The following BMERB1 variants were observed in gnomAD, a reference collection of about 807,000 sequenced individuals.
The protein encoded by BMERB1 is bMERB domain-containing protein 1.
BMERB1 carries 12 observed loss-of-function variants against 23.6 expected under a neutral mutation model. The ratio of observed to expected loss-of-function variants is 0.51; its 90% confidence interval spans 0.33 to 0.82. The LOEUF is 0.82. Among genes scored for constraint, BMERB1 ranks in the 40% least tolerant of loss-of-function variants. The pLI, the probability that BMERB1 is intolerant of heterozygous loss-of-function variation, is 0.03. For missense variants in BMERB1, 247 were observed against 255.4 expected (o/e 0.97, Z 0.22); for synonymous variants, 122 against 96.6 (o/e 1.26, Z -1.54).
At chr16:15,450,278 T>G (rs902259905) in intron 1 of BMERB1, among the ~76,000 whole-genome samples, 2 of 152,150 alleles carry the variant, frequency 1.3e-5, no homozygotes, top group Non-Finnish European at 2.9e-5. Flanking sequence ...AATATTATTA[T>G]TCTTTTGATG....
chr16:15,456,317 T>C (rs183219895), intron 1 of BMERB1, among the ~76,000 whole-genome samples: 2 of 152,086 alleles, frequency 1.3e-5, no homozygotes, highest in Admixed American at 1.3e-4. Flanking sequence ...TCTAAGTCAG[T>C]AATACAGCAT....
intron 1 of BMERB1, among the ~76,000 whole-genome samples, chr16:15,479,987 T>C (rs1280244874): frequency 1.4e-5 from 2 of 145,474 alleles, no homozygotes; most frequent in African/African-American, 5.2e-5. Flanking sequence ...TTTCAATTTA[T>C]CATATAGTTT....
chr16:15,467,042 A>G (rs1483475080), intron 1 of BMERB1, among the ~76,000 whole-genome samples: 1 of 152,138 alleles, frequency 6.6e-6, no homozygotes, highest in African/African-American at 2.4e-5. Context: ...ATTCCTTTTC[A>G]TTGCCAAGTA....
intron 1 of BMERB1, among the ~76,000 whole-genome samples, chr16:15,435,132 G>A (rs184786378): frequency 1.4e-3 from 214 of 152,366 alleles, no homozygotes; most frequent in Admixed American, 4.2e-3. Flanking sequence ...CGCTGGAGAC[G>A]CGGGACCGTC....
chr16:15,492,286 C>T lies in BMERB1; in HGVS notation c.107-23019C>T, dbSNP rs528822078. On this transcript the variant is annotated intron_variant, in intron 1 of 5. Coordinates refer to ENST00000300006, the MANE Select transcript of BMERB1 (RefSeq NM_033201.3). ...CCCTCAGGTTTTGCATCTCCCGCTGCACTGCTGGGCAGTCGACCCTTCCCA... is the reference window on the plus strand; with the variant it reads ...CCCTCAGGTTTTGCATCTCCCGCTGTACTGCTGGGCAGTCGACCCTTCCCA... Among the ~76,000 whole-genome samples the T allele has an allele frequency of 7.2e-5, 11 of 152,338 alleles. No individual in the cohort carries two copies. In the South Asian group the frequency reaches 1.7e-3, roughly 23 times the overall value.
At position 15,587,284 on chromosome 16, in the gene BMERB1, C is replaced by T. The variant is rs191948625; in HGVS notation, c.*455C>T. On this transcript the variant is annotated 3_prime_UTR_variant, in exon 6 of 6. Coordinates refer to ENST00000300006, the MANE Select transcript of BMERB1 (RefSeq NM_033201.3). ...GCTCTCAGAGCTAGGCACATGGGCA[C>T]AGGTCCCCTCCCGTCTGTCCTCTCC... The T allele has an allele frequency of 1.8e-5, 4 of 226,654 alleles. No homozygotes were observed. The East Asian group carries it at 4.0e-4, about 22-fold the overall frequency. The allele number at this position is 226,654 out of a possible 1,614,324, so 14.0% of individuals were successfully genotyped here.
At chr16:15,557,935 C>T (rs1202340903) in intron 2 of BMERB1, among the ~76,000 whole-genome samples, 3 of 152,066 alleles carry the variant, frequency 2.0e-5, no homozygotes, top group African/African-American at 7.2e-5. Context: ...ATCCCAGCTA[C>T]TCGGGAAGCT....
At chr16:15,583,346 G>C (rs2031064242) in intron 5 of BMERB1, 108 bp downstream of exon 5, 3 of 887,086 alleles carry the variant, frequency 3.4e-6, no homozygotes, top group Non-Finnish European at 5.6e-6. Context: ...GAGAGGCCAA[G>C]GTGGGTGGAT....
At chr16:15,537,545 G>T (rs1426329750) in intron 2 of BMERB1, among the ~76,000 whole-genome samples, 2 of 151,692 alleles carry the variant, frequency 1.3e-5, no homozygotes, top group East Asian at 1.9e-4. Flanking sequence ...GTAGAGGCGG[G>T]GTTTCACCAT....
chr16:15,523,211 C>G (rs1176522178), intron 2 of BMERB1, among the ~76,000 whole-genome samples: 3 of 152,170 alleles, frequency 2.0e-5, no homozygotes, highest in Non-Finnish European at 4.4e-5. Context: ...CTTCTGCCAG[C>G]GTGTTCCTCT....
At chr16:15,548,265 G>A (rs754448510) in intron 2 of BMERB1, among the ~76,000 whole-genome samples, 1 of 152,164 alleles carries the variant, frequency 6.6e-6, no homozygotes, top group African/African-American at 2.4e-5. Flanking sequence ...GATTACAGGT[G>A]TAAGCCACTG....
chr16:15,545,280 T>G (rs575619994), intron 2 of BMERB1, among the ~76,000 whole-genome samples: 1 of 152,170 alleles, frequency 6.6e-6, no homozygotes, highest in Non-Finnish European at 1.5e-5. Context: ...GCCCCAAATT[T>G]TCTAATAAGT....
chr16:15,447,909 G>A (rs760910646), intron 1 of BMERB1: 1 of 455,984 alleles, frequency 2.2e-6, no homozygotes, highest in South Asian at 1.5e-5. Context: ...TTATTTTTGA[G>A]ACAGAGTCTT....
chr16:15,545,656 C>T (rs1474096559), intron 2 of BMERB1, among the ~76,000 whole-genome samples: 3 of 152,098 alleles, frequency 2.0e-5, no homozygotes, highest in Non-Finnish European at 4.4e-5. Flanking sequence ...GCCAGGAAGC[C>T]GCCATTGCTG....
At chr16:15,582,312 A>C (rs1314708958) in intron 4 of BMERB1, among the ~76,000 whole-genome samples, 1 of 152,028 alleles carries the variant, frequency 6.6e-6, no homozygotes, top group Non-Finnish European at 1.5e-5. Context: ...GGCAGGAAAC[A>C]ATCATTTGAA....
At chr16:15,511,141 G>C (rs2051659346) in intron 1 of BMERB1, among the ~76,000 whole-genome samples, 1 of 152,134 alleles carries the variant, frequency 6.6e-6, no homozygotes, top group South Asian at 2.1e-4. Flanking sequence ...GGGCCTTGAA[G>C]CATAACCAGA....
chr16:15,535,365 G>A (rs1004178039), intron 2 of BMERB1, among the ~76,000 whole-genome samples: 1 of 150,932 alleles, frequency 6.6e-6, no homozygotes, highest in Admixed American at 6.6e-5. Flanking sequence ...AGAAGAAAGA[G>A]GGCCAGGTGC....
rs534758892 is a variant in BMERB1, at chr16:15,454,102, CAG to C, written c.106+19344_106+19345del. On this transcript the variant is annotated intron_variant, in intron 1 of 5. Coordinates refer to ENST00000300006, the MANE Select transcript of BMERB1 (RefSeq NM_033201.3). ...GGCACCTCCCTCCCTATGGATATCA[CAG>C]GGAGTTTTTTTCCTTTTAGAGTTTG... Among the ~76,000 whole-genome samples the C allele has an allele frequency of 2.1e-3, 325 of 152,232 alleles. 1 individual carries two copies. Among genetic ancestry groups the C allele is most frequent in the African/African-American group, 7.6e-3 (316 of 41,548 alleles).
chr16:15,444,119 C>CTTTTTTTTTTT (rs1225982061), intron 1 of BMERB1, among the ~76,000 whole-genome samples: 14 of 24,446 alleles, frequency 5.7e-4, no homozygotes, highest in East Asian at 4.1e-3. Context: ...CAGGCACCAG[C>CTTTTTTTTTTT]TTTGTTTTTT....
Sources: allele counts gnomAD v4.1 joint callset (sites outside exome capture counted in the v4.1 genomes callset), GRCh38; gene constraint gnomAD v4.1.1; transcripts MANE v1.5; gene names NCBI Gene and HGNC (gene_info 2026-07-23, HGNC 2026-07-21).